Variants in ESR1 observed in about 807,000 individuals in gnomAD.
The protein encoded by ESR1 is estrogen receptor 1.
In ESR1, 12 loss-of-function variants were observed where a neutral mutation model predicts 52.7. The observed-to-expected ratio is 0.23, with a 90% CI of 0.15 to 0.37. The LOEUF (loss-of-function observed/expected upper bound fraction) is 0.37. ESR1 is among the 10% of genes least tolerant of loss of function. ESR1 has a pLI of 1.00. For synonymous variants in ESR1, 305 were observed against 316.8 expected, an observed-to-expected ratio of 0.96 and a Z score of 0.39; for missense variants, 584 against 779.7, an observed-to-expected ratio of 0.75 and a Z score of 2.99.
At chr6:151,794,074 CT>C (rs1776460207) in intron 2 of ESR1, among the ~76,000 whole-genome samples, 1 of 152,198 alleles carries the variant, frequency 6.6e-6, no homozygotes, top group Admixed American at 6.5e-5. Flanking sequence ...TTAGCATAAA[CT>C]CTCCTTTGAT....
intron 2 of ESR1, among the ~76,000 whole-genome samples, chr6:151,719,015 G>A (rs879269184): frequency 2.0e-5 from 3 of 152,070 alleles, no homozygotes; most frequent in African/African-American, 7.2e-5. Context: ...CCTTCGTCAC[G>A]TCCATGTCAT....
intron 3 of ESR1, among the ~76,000 whole-genome samples, chr6:151,906,698 G>A (rs1333856550): frequency 2.7e-5 from 4 of 147,862 alleles, no homozygotes; most frequent in African/African-American, 5.0e-5. Context: ...TATTATAAAT[G>A]TCATCTAGTA....
chr6:152,063,176 C>T (rs899324035), intron 6 of ESR1, among the ~76,000 whole-genome samples: 2 of 152,162 alleles, frequency 1.3e-5, no homozygotes, highest in Non-Finnish European at 2.9e-5. Context: ...TGTTCCTTCG[C>T]TTCTTTCTTA....
At chr6:152,081,607 G>A (rs539892944) in intron 6 of ESR1, among the ~76,000 whole-genome samples, 4 of 151,212 alleles carry the variant, frequency 2.6e-5, no homozygotes, top group Non-Finnish European at 4.4e-5. Context: ...CAAGCAGAAG[G>A]CAAGAAATAA....
intron 2 of ESR1, among the ~76,000 whole-genome samples, chr6:151,873,779 T>C (rs1436400240): frequency 6.6e-6 from 1 of 152,236 alleles, no homozygotes; most frequent in Non-Finnish European, 1.5e-5. Flanking sequence ...ATACTGATGC[T>C]TAGAAGTAGA....
intron 1 of ESR1, among the ~76,000 whole-genome samples, chr6:151,829,481 G>A (rs923291192): frequency 1.3e-5 from 2 of 152,162 alleles, no homozygotes; most frequent in Non-Finnish European, 2.9e-5. Flanking sequence ...ATCACTGACA[G>A]CTTCCTCTGA....
At chr6:151,784,184 T>A (rs1228485716) in intron 2 of ESR1, among the ~76,000 whole-genome samples, 1 of 152,128 alleles carries the variant, frequency 6.6e-6, no homozygotes, top group East Asian at 1.9e-4. Flanking sequence ...AATGAAGGAG[T>A]GGGGAGCTAT....
exon 7 of ESR1, chr6:152,127,965 G>A (rs756193747): frequency 3.3e-5 from 5 of 152,088 alleles, no homozygotes; most frequent in Admixed American, 6.5e-5. Context: ...TGTAAAGAAG[G>A]TGCCAGAGAC....
chr6:151,865,143 A>G (rs1789643719), intron 2 of ESR1, among the ~76,000 whole-genome samples: 1 of 152,092 alleles, frequency 6.6e-6, no homozygotes, highest in African/African-American at 2.4e-5. Context: ...ACTATTAACA[A>G]TTTCTTCTGA....
intron 2 of ESR1, among the ~76,000 whole-genome samples, chr6:151,762,122 A>G (rs1784702617): frequency 2.6e-5 from 4 of 152,240 alleles, no homozygotes; most frequent in Admixed American, 2.0e-4. Context: ...TCCATTGAGC[A>G]GCTAAGGTTG....
At chr6:151,715,695 G>A (rs1005252954) in intron 2 of ESR1, among the ~76,000 whole-genome samples, 1 of 152,134 alleles carries the variant, frequency 6.6e-6, no homozygotes, top group African/African-American at 2.4e-5. Flanking sequence ...GGTCATTTAT[G>A]TTCTGCTCTA....
chr6:151,671,718 G>T (rs994467511), intron 1 of ESR1, among the ~76,000 whole-genome samples: 13 of 152,250 alleles, frequency 8.5e-5, no homozygotes, highest in Admixed American at 7.2e-4. Flanking sequence ...TAGGCCAGGT[G>T]TGGTGGCTTA....
At chr6:151,963,095 C>A (rs892731873) in intron 4 of ESR1, among the ~76,000 whole-genome samples, 16 of 152,208 alleles carry the variant, frequency 1.1e-4, no homozygotes, top group East Asian at 7.7e-4. Flanking sequence ...TTCCTTCCCC[C>A]CTCCCTCCCT....
At chr6:151,840,645 G>A (rs867798911) in intron 1 of ESR1, among the ~76,000 whole-genome samples, 2 of 152,180 alleles carry the variant, frequency 1.3e-5, no homozygotes, top group Non-Finnish European at 2.9e-5. Flanking sequence ...GAAGGGGAGC[G>A]CCAGTGAAAG....
chr6:151,780,688 C>A (rs17081679), intron 2 of ESR1, among the ~76,000 whole-genome samples: 13,274 of 152,190 alleles, frequency 0.087, 706 homozygotes, highest in African/African-American at 0.1. Context: ...AATTCAAATG[C>A]GAGTTAGGCT....
chr6:151,939,143 A>G (rs1368745647), intron 3 of ESR1, among the ~76,000 whole-genome samples: 1 of 152,220 alleles, frequency 6.6e-6, no homozygotes, highest in Non-Finnish European at 1.5e-5. Context: ...ATGAATGACA[A>G]TGTATCTTGT....
chr6:151,928,497 G>A lies in ESR1; in HGVS notation c.761-15676G>A, dbSNP rs565751354. Among the ~76,000 whole-genome samples the A allele has an allele frequency of 3.3e-5, 5 of 152,032 alleles. No homozygotes were observed. The East Asian group carries it at 9.7e-4, about 29-fold the overall frequency. ...ATTCAAAATACAGTTTCTACTGAAT[G>A]CATGCATATTACTTTTGCACCATTG... On this transcript the variant is annotated intron_variant, in intron 3 of 7. Coordinates refer to ENST00000206249, the MANE Select transcript of ESR1 (RefSeq NM_000125.4).
intron 4 of ESR1, among the ~76,000 whole-genome samples, chr6:152,000,000 AAGT>A (rs1192825026): frequency 6.6e-6 from 1 of 152,028 alleles, no homozygotes; most frequent in African/African-American, 2.4e-5. Context: ...GTTAGGTGGT[AAGT>A]AGAGAATTTG....
intron 5 of ESR1, among the ~76,000 whole-genome samples, chr6:152,038,311 G>A (rs1318112930): frequency 2.6e-5 from 4 of 152,232 alleles, no homozygotes; most frequent in South Asian, 4.2e-4. Flanking sequence ...ATTGAGGATG[G>A]GTCTCCATCT....
Sources: allele counts gnomAD v4.1 joint callset (sites outside exome capture counted in the v4.1 genomes callset), GRCh38; gene constraint gnomAD v4.1.1; transcripts MANE v1.5; gene names NCBI Gene and HGNC (gene_info 2026-07-23, HGNC 2026-07-21).